RNF150: variants seen among roughly 807,000 people sequenced by gnomAD.
RNF150 encodes the protein ring finger protein 150.
In RNF150, 24 loss-of-function variants were observed where a neutral mutation model predicts 39.3. The ratio of observed to expected loss-of-function variants is 0.61; its 90% CI spans 0.44 to 0.86. RNF150 has a LOEUF of 0.86. Ranked by LOEUF, RNF150 falls within the 40% of genes least tolerant of loss-of-function variation. The pLI is 0.00. For missense variants in RNF150, 502 were observed against 587.8 expected (o/e 0.85, Z 1.51); for synonymous variants, 255 against 227.3 (o/e 1.12, Z -1.10).
At chr4:141,170,816 C>T (rs1397266481) in intron 1 of RNF150, among the ~76,000 whole-genome samples, 2 of 152,160 alleles carry the variant, frequency 1.3e-5, no homozygotes, top group Non-Finnish European at 2.9e-5. Context: ...AACATTCACT[C>T]TTGCAAGAAT....
At chr4:141,207,491 GA>G (rs1728393523) in intron 1 of RNF150, among the ~76,000 whole-genome samples, 1 of 152,132 alleles carries the variant, frequency 6.6e-6, no homozygotes, top group African/African-American at 2.4e-5. Context: ...CAGCCTCTGA[GA>G]GCAAAGATGA....
rs1268323247 is a variant in RNF150, at chr4:140,918,409, T to C, written c.988-7055A>G. Among the ~76,000 whole-genome samples the C allele has an allele frequency of 4.6e-5, 7 of 152,178 alleles. No individual in the cohort carries two copies. The East Asian group carries it at 1.3e-3, about 29-fold the overall frequency. ...CATCAGAGAATAGTACAAACACCTC[T>C]ACACAAATAAACTAGAAAATTTAGA... On this transcript the variant is annotated intron_variant, in intron 5 of 6. Coordinates refer to ENST00000515673, the MANE Select transcript of RNF150 (RefSeq NM_020724.2).
chr4:140,953,805 T>C (rs534903773), intron 2 of RNF150, among the ~76,000 whole-genome samples: 1 of 152,320 alleles, frequency 6.6e-6, no homozygotes, highest in East Asian at 1.9e-4. Flanking sequence ...CAAATGCAAA[T>C]TAAAGAGATA....
At chr4:140,899,964 CTCTCTCTCTCTG>C (rs1453876838) in intron 6 of RNF150, among the ~76,000 whole-genome samples, 4 of 118,916 alleles carry the variant, frequency 3.4e-5, no homozygotes, top group African/African-American at 1.2e-4. Flanking sequence ...CTCTCTCTCT[CTCTCTCTCTCTG>C]TGTGTGTGTG....
chr4:140,877,765 GT>G, intron 6 of RNF150, among the ~76,000 whole-genome samples: 1 of 152,332 alleles, frequency 6.6e-6, no homozygotes, highest in East Asian at 1.9e-4. Flanking sequence ...GGAAACAAAG[GT>G]GTGGGGAAAA....
chr4:140,917,295 A>T (rs1730875619), intron 5 of RNF150, among the ~76,000 whole-genome samples: 1 of 152,182 alleles, frequency 6.6e-6, no homozygotes, highest in East Asian at 1.9e-4. Flanking sequence ...CAGGAAACCC[A>T]TTTCATGTGC....
At chr4:141,018,692 G>A (rs575120831) in intron 1 of RNF150, among the ~76,000 whole-genome samples, 1 of 152,184 alleles carries the variant, frequency 6.6e-6, no homozygotes, top group South Asian at 2.1e-4. Flanking sequence ...GAGGATGAGA[G>A]TGCTCAGAAA....
chr4:140,978,158 C>T (rs1432170594), intron 1 of RNF150, among the ~76,000 whole-genome samples: 1 of 152,134 alleles, frequency 6.6e-6, no homozygotes, highest in Non-Finnish European at 1.5e-5. Context: ...AGAAGACCTG[C>T]AAGCTCAAAA....
At chr4:140,897,761 T>G (rs1200380292) in intron 6 of RNF150, among the ~76,000 whole-genome samples, 1 of 152,226 alleles carries the variant, frequency 6.6e-6, no homozygotes, top group Non-Finnish European at 1.5e-5. Flanking sequence ...TTTTTTTGAA[T>G]GCTTATTATG....
At chr4:141,160,979 G>A (rs1296522336) in intron 1 of RNF150, among the ~76,000 whole-genome samples, 1 of 152,168 alleles carries the variant, frequency 6.6e-6, no homozygotes, top group African/African-American at 2.4e-5. Context: ...GTAAGGCATT[G>A]CTATAAGGAT....
intron 1 of RNF150, among the ~76,000 whole-genome samples, chr4:141,157,118 C>T (rs1727420019): frequency 6.6e-6 from 1 of 152,072 alleles, no homozygotes; most frequent in African/African-American, 2.4e-5. Flanking sequence ...AACTCAGATG[C>T]TTTCTGCTCT....
At chr4:141,105,607 C>T (rs1468786735) in intron 1 of RNF150, among the ~76,000 whole-genome samples, 1 of 152,128 alleles carries the variant, frequency 6.6e-6, no homozygotes, top group Non-Finnish European at 1.5e-5. Context: ...CTAGTAATAC[C>T]AAACCTGTGC....
chr4:141,053,741 A>T, intron 1 of RNF150: 1 of 1,355,202 alleles, frequency 7.4e-7, no homozygotes, highest in Non-Finnish European at 9.5e-7. Flanking sequence ...CCTGTGAACA[A>T]CGATAAAAAT....
chr4:140,980,029 C>T (rs912710833), intron 1 of RNF150, among the ~76,000 whole-genome samples: 2 of 151,844 alleles, frequency 1.3e-5, no homozygotes, highest in Non-Finnish European at 2.9e-5. Flanking sequence ...ACAATGAATC[C>T]CCTTAAGGCT....
intron 5 of RNF150, among the ~76,000 whole-genome samples, chr4:140,913,271 A>G (rs1730688523): frequency 6.6e-6 from 1 of 152,112 alleles, no homozygotes; most frequent in African/African-American, 2.4e-5. Context: ...AGAAAACAAA[A>G]CAAAACAAAA....
chr4:140,874,637 A>G (rs1729077392), intron 6 of RNF150, among the ~76,000 whole-genome samples: 1 of 152,004 alleles, frequency 6.6e-6, no homozygotes, highest in Admixed American at 6.6e-5. Context: ...AGCTCACTGG[A>G]GTTTTACTCT....
chr4:141,073,045 A>G (rs769646055), intron 1 of RNF150, among the ~76,000 whole-genome samples: 1 of 152,068 alleles, frequency 6.6e-6, no homozygotes, highest in Non-Finnish European at 1.5e-5. Context: ...GTGATCCCTC[A>G]GGGCATCATA....
intron 1 of RNF150, among the ~76,000 whole-genome samples, chr4:141,080,582 C>A (rs978258662): frequency 1.3e-5 from 2 of 152,134 alleles, no homozygotes; most frequent in African/African-American, 4.8e-5. Flanking sequence ...TAGAAGAAGT[C>A]CATTCCTGTG....
intron 5 of RNF150, 21 bp downstream of exon 5, chr4:140,925,956 T>A (rs13120735): frequency 6.6e-7 from 1 of 1,523,444 alleles, no homozygotes; most frequent in Non-Finnish European, 9.1e-7. Flanking sequence ...ATTATAATGC[T>A]GTAGGCTGTG....
Sources: gnomAD v4.1 joint callset for allele counts (sites outside exome capture counted in the v4.1 genomes callset) on GRCh38, gnomAD v4.1.1 for gene constraint, MANE v1.5 for transcripts, NCBI Gene and HGNC (gene_info 2026-07-23, HGNC 2026-07-21) for gene names.